Variants in PLEKHA7 observed in about 807,000 individuals in gnomAD.
PLEKHA7 encodes the protein pleckstrin homology domain-containing family A member 7.
PLEKHA7 carries 104 observed loss-of-function variants against 170.0 expected under a neutral mutation model. The observed-to-expected ratio is 0.61, with a 90% confidence interval of 0.52 to 0.72. The LOEUF (loss-of-function observed/expected upper bound fraction) is 0.72. PLEKHA7 is among the 30% of genes least tolerant of loss of function. The pLI, the probability that PLEKHA7 is intolerant of heterozygous loss-of-function variation, is 0.00. For missense variants in PLEKHA7, 1,615 were observed against 1,671.7 expected (o/e 0.97, Z 0.59); for synonymous variants, 648 against 660.8 (o/e 0.98, Z 0.30).
intron 24 of PLEKHA7, among the ~76,000 whole-genome samples, chr11:16,784,390 AATGGATGG>A (rs1849261839): frequency 6.6e-6 from 1 of 152,136 alleles, no homozygotes; most frequent in Admixed American, 6.6e-5. Context: ...ATTCTCCCTG[AATGGATGG>A]ATAATGGATA....
intron 21 of PLEKHA7, 150 bp from the exon 22 acceptor site, chr11:16,790,028 G>C: frequency 1.4e-6 from 1 of 731,822 alleles, no homozygotes; most frequent in Middle Eastern, 2.8e-4. Flanking sequence ...GCATGGAGGA[G>C]CAAGGTCCCC....
Position 16,903,761 on chromosome 11 carries a change from T to C in PLEKHA7, c.222-32579A>G, listed in dbSNP as rs190329032. Among the ~76,000 whole-genome samples the C allele has an allele frequency of 4.6e-5, 7 of 152,300 alleles. No homozygotes were observed. In the East Asian group the frequency reaches 1.4e-3, roughly 29 times the overall value. The stretch of plus-strand genomic sequence containing the variant: ...AGAGACATCTTTCAAAGAAATTCTA[T>C]TTGCCCATTCAATTCCAAAAGACAT... On this transcript the variant is annotated intron_variant, in intron 3 of 26. Transcript: ENST00000531066.
At chr11:16,836,682 C>T (rs383623) in intron 9 of PLEKHA7, among the ~76,000 whole-genome samples, 95,218 of 152,092 alleles carry the variant, frequency 0.63, 30,356 homozygotes, top group East Asian at 0.87. Flanking sequence ...AGTCTGTATT[C>T]GCTTGGCTGA....
intron 13 of PLEKHA7, among the ~76,000 whole-genome samples, chr11:16,806,659 G>A (rs1849011003): frequency 6.6e-6 from 1 of 152,200 alleles, no homozygotes; most frequent in Non-Finnish European, 1.5e-5. Flanking sequence ...TATGGGCAGG[G>A]GGTGGCATTT....
chr11:16,924,386 G>A (rs1859331559), intron 3 of PLEKHA7, among the ~76,000 whole-genome samples: 1 of 152,204 alleles, frequency 6.6e-6, no homozygotes, highest in African/African-American at 2.4e-5. Flanking sequence ...CACGCAAGGA[G>A]GTTTTCAGGC....
At chr11:16,900,557 A>G (rs1051107366) in intron 3 of PLEKHA7, among the ~76,000 whole-genome samples, 6 of 152,208 alleles carry the variant, frequency 3.9e-5, no homozygotes, top group Non-Finnish European at 5.9e-5. Flanking sequence ...TGACATAAGC[A>G]CTCATCACTG....
chr11:17,014,077 C>T, intron 2 of PLEKHA7, 31 bp from the exon 3 acceptor site: 1 of 1,580,486 alleles, frequency 6.3e-7, no homozygotes, highest in South Asian at 1.1e-5. Context: ...TCGGGTCAAA[C>T]TTGGGCCGCC....
intron 4 of PLEKHA7, among the ~76,000 whole-genome samples, chr11:16,865,434 A>G (rs1854306257): frequency 6.6e-6 from 1 of 152,190 alleles, no homozygotes; most frequent in Non-Finnish European, 1.5e-5. Flanking sequence ...TGAGAAAATT[A>G]GCACTCTAGG....
rs1858094798 is a variant in PLEKHA7, at chr11:16,909,481, A to C, written c.222-38299T>G. Among the ~76,000 whole-genome samples, 2 of 152,244 alleles carry C rather than the reference A, an allele frequency of 1.3e-5. 1 individual carries two copies. The highest frequency in any genetic ancestry group is 4.1e-4 in the South Asian group (2 of 4,836). On this transcript the variant is annotated intron_variant, in intron 3 of 26. Coordinates refer to ENST00000531066, the MANE Select transcript of PLEKHA7 (RefSeq NM_001329630.2). Reference sequence around the variant, plus strand: ...ATGGCAACATCTGAAGGAAAACAGAAGGCAGCGGTAGTACCCTAGATACAG... The same window carrying C: ...ATGGCAACATCTGAAGGAAAACAGACGGCAGCGGTAGTACCCTAGATACAG...
intron 3 of PLEKHA7, among the ~76,000 whole-genome samples, chr11:16,946,173 C>T (rs1861018954): frequency 6.6e-6 from 1 of 152,222 alleles, no homozygotes; most frequent in South Asian, 2.1e-4. Context: ...AGCTCCTGGG[C>T]TCTTCCTGCT....
chr11:16,957,955 G>A (rs967946306), intron 3 of PLEKHA7, among the ~76,000 whole-genome samples: 3 of 151,732 alleles, frequency 2.0e-5, no homozygotes, highest in South Asian at 2.1e-4. Context: ...GGCCCACCTC[G>A]GCTTCCCAAA....
chr11:16,841,530 C>G lies in PLEKHA7; in HGVS notation c.872+17G>C. Reference sequence around the variant, plus strand: ...GTGTAGGAGGTGCTGTGGCAGGGACCCTCCATCAGAACTAACCTCTTCAGT... The same window carrying G: ...GTGTAGGAGGTGCTGTGGCAGGGACGCTCCATCAGAACTAACCTCTTCAGT... On this transcript the variant is annotated intron_variant, in intron 9 of 26. Coordinates refer to ENST00000531066, the MANE Select transcript of PLEKHA7 (RefSeq NM_001329630.2). The G allele has an allele frequency of 6.2e-7, 1 of 1,606,856 alleles. No individual in the cohort carries two copies. Among genetic ancestry groups the G allele is most frequent in the South Asian group, 1.1e-5 (1 of 90,316 alleles).
At chr11:16,951,905 C>T (rs1861429071) in intron 3 of PLEKHA7, among the ~76,000 whole-genome samples, 3 of 152,166 alleles carry the variant, frequency 2.0e-5, no homozygotes, top group Non-Finnish European at 4.4e-5. Context: ...CTTTAGTTCC[C>T]ATCCCTATGA....
intron 13 of PLEKHA7, among the ~76,000 whole-genome samples, chr11:16,803,761 C>T (rs973249203): frequency 6.6e-6 from 1 of 152,158 alleles, no homozygotes; most frequent in African/African-American, 2.4e-5. Flanking sequence ...ATTGTCAAGC[C>T]TTAGTTTAAT....
rs552666594 is a variant in PLEKHA7 at position 16,782,607 on chromosome 11, G to A, written c.3793+147C>T. The A allele has an allele frequency of 1.4e-4, 146 of 1,013,500 alleles. 1 individual carries two copies. In the South Asian group the frequency reaches 1.8e-3, roughly 12 times the overall value. 62.8% of individuals were successfully genotyped at this position (1,013,500 alleles called of 1,614,324 possible). On this transcript the variant is annotated intron_variant, in intron 26 of 26. Coordinates refer to ENST00000531066, the MANE Select transcript of PLEKHA7 (RefSeq NM_001329630.2). ...TGCTGTGCTCATGGGACAGGATGCC[G>A]AGTGGTCAGGGGAACACACCACTGA...
intron 9 of PLEKHA7, among the ~76,000 whole-genome samples, chr11:16,838,888 G>A (rs145672873): frequency 3.3e-5 from 5 of 151,994 alleles, no homozygotes; most frequent in South Asian, 2.1e-4. Context: ...GGGTTTCACC[G>A]TGTTAGCCAG....
At chr11:16,830,323 T>C (rs930868466) in intron 9 of PLEKHA7, among the ~76,000 whole-genome samples, 1 of 152,088 alleles carries the variant, frequency 6.6e-6, no homozygotes, top group African/African-American at 2.4e-5. Flanking sequence ...AAACTACCCA[T>C]AGAGGATGTG....
At chr11:17,003,513 G>C (rs11827240) in intron 3 of PLEKHA7, among the ~76,000 whole-genome samples, 5,133 of 152,292 alleles carry the variant, frequency 0.034, 309 homozygotes, top group African/African-American at 0.12. Flanking sequence ...CAGTAAACGT[G>C]GCACTACTAC....
chr11:16,850,255 G>A lies in PLEKHA7; in HGVS notation c.696+936C>T, dbSNP rs146894423. On this transcript the variant is annotated intron_variant, in intron 8 of 26. Coordinates refer to ENST00000531066, the MANE Select transcript of PLEKHA7 (RefSeq NM_001329630.2). ...CATCTTGTGCCTCCAACATGGAAAC[G>A]GCCAAGCAACAAGTGTAGTGGGGAC... Among the ~76,000 whole-genome samples the A allele has an allele frequency of 3.8e-3, 584 of 152,290 alleles. 3 individuals are homozygous for A. Among genetic ancestry groups the A allele is most frequent in the African/African-American group, 0.013 (543 of 41,544 alleles).
Sources: gnomAD v4.1 joint callset for allele counts (sites outside exome capture counted in the v4.1 genomes callset) on GRCh38, gnomAD v4.1.1 for gene constraint, MANE v1.5 for transcripts, NCBI Gene and HGNC (gene_info 2026-07-23, HGNC 2026-07-21) for gene names.